Variants in AMPH observed in about 807,000 individuals in gnomAD.
The protein encoded by AMPH is amphiphysin (Stiff-Mann syndrome with breast cancer 128kD autoantigen).
Under a neutral mutation model 99.1 loss-of-function variants are expected in AMPH, and 49 were observed. The observed-to-expected ratio is 0.49, with a 90% CI of 0.39 to 0.63. AMPH has a LOEUF of 0.63. Ranked by LOEUF, AMPH falls within the 20% of genes least tolerant of loss-of-function variation. The pLI is 0.00. For missense variants in AMPH, 759 were observed against 863.4 expected (o/e 0.88, Z 1.52); for synonymous variants, 314 against 317.3 (o/e 0.99, Z 0.11).
At position 38,392,062 on chromosome 7, in the gene AMPH, A is replaced by G. The variant is rs1288366139; in HGVS notation, c.1609-45T>C. ...GGCGATGCCCGGCAGGGCCTGGAAA[A>G]CAGAACCTCCTTGTCCTGCACAACC... On this transcript the variant is annotated intron_variant, in intron 18 of 20. Transcript: ENST00000356264. 2.5e-6 allele frequency: 4 copies of G among 1,588,740 alleles called. No individual in the cohort carries two copies. The South Asian group carries it at 4.5e-5, about 18-fold the overall frequency.
intron 1 of AMPH, among the ~76,000 whole-genome samples, chr7:38,629,271 G>T (rs1378366733): frequency 6.6e-6 from 1 of 152,152 alleles, no homozygotes; most frequent in African/African-American, 2.4e-5. Context: ...CACAGACTCA[G>T]AAAGGGGGGC....
intron 1 of AMPH, among the ~76,000 whole-genome samples, chr7:38,565,040 C>T (rs1444624648): frequency 2.0e-5 from 3 of 150,750 alleles, no homozygotes; most frequent in South Asian, 2.1e-4. Context: ...AGGAGAATGG[C>T]GTGAACCCGG....
chr7:38,481,803 T>C (rs73356685), intron 5 of AMPH, among the ~76,000 whole-genome samples: 3 of 152,132 alleles, frequency 2.0e-5, no homozygotes, highest in African/African-American at 4.8e-5. Context: ...CTGTGTTCCA[T>C]GCTTTAAAAA....
intron 11 of AMPH, among the ~76,000 whole-genome samples, chr7:38,445,383 C>T (rs571032748): frequency 6.6e-6 from 1 of 152,180 alleles, no homozygotes; most frequent in South Asian, 2.1e-4. Flanking sequence ...TTAGATGTTA[C>T]ATGAAATATA....
chr7:38,528,889 T>C (rs1790291327), intron 2 of AMPH, among the ~76,000 whole-genome samples: 1 of 152,184 alleles, frequency 6.6e-6, no homozygotes, highest in Non-Finnish European at 1.5e-5. Context: ...TTGCCTCGGC[T>C]GCTTCTGGAC....
chr7:38,399,728 G>C (rs1009166634), intron 17 of AMPH, among the ~76,000 whole-genome samples: 40 of 152,182 alleles, frequency 2.6e-4, no homozygotes, highest in African/African-American at 9.2e-4. Flanking sequence ...ACCAGGGACT[G>C]AATCTGCTGA....
At position 38,569,604 on chromosome 7, in the gene AMPH, C is replaced by CAT. The variant is rs1025065761; in HGVS notation, c.70-34595_70-34594dup. ...TCCATTTTATAATAAATTGATATAA[C>CAT]ATATATATATATAAAATGAAAACAC... On this transcript the variant is annotated intron_variant, in intron 1 of 20. Transcript: ENST00000356264. Among the ~76,000 whole-genome samples, 26 of 150,968 alleles carry CAT rather than the reference C, an allele frequency of 1.7e-4. No homozygotes were observed. In the South Asian group the frequency reaches 2.5e-3, roughly 15 times the overall value.
At chr7:38,473,925 C>T (rs1787988932) in intron 7 of AMPH, among the ~76,000 whole-genome samples, 1 of 151,744 alleles carries the variant, frequency 6.6e-6, no homozygotes, top group Admixed American at 6.6e-5. Context: ...TGTTTAAATC[C>T]TCTCTGGGGG....
At chr7:38,487,035 T>G (rs1788524695) in intron 5 of AMPH, among the ~76,000 whole-genome samples, 1 of 151,912 alleles carries the variant, frequency 6.6e-6, no homozygotes, top group African/African-American at 2.4e-5. Context: ...ATGCCCACCC[T>G]CACCACTTCT....
At chr7:38,550,444 A>G (rs918224352) in intron 1 of AMPH, among the ~76,000 whole-genome samples, 1 of 152,246 alleles carries the variant, frequency 6.6e-6, no homozygotes, top group African/African-American at 2.4e-5. Flanking sequence ...GACAAAGATC[A>G]GATAATCAAA....
At chr7:38,447,041 C>T (rs2276536) in intron 11 of AMPH, among the ~76,000 whole-genome samples, 8,844 of 151,336 alleles carry the variant, frequency 0.058, 629 homozygotes, top group East Asian at 0.35. Flanking sequence ...TTGTTTGAGA[C>T]GGAGTTTCAC....
intron 12 of AMPH, among the ~76,000 whole-genome samples, chr7:38,434,568 C>T (rs1786182181): frequency 6.6e-6 from 1 of 151,844 alleles, no homozygotes; most frequent in African/African-American, 2.4e-5. Flanking sequence ...TGAAACCCCA[C>T]CTCTACTAAA....
chr7:38,576,677 A>G (rs1013575546), intron 1 of AMPH, among the ~76,000 whole-genome samples: 1 of 152,144 alleles, frequency 6.6e-6, no homozygotes, highest in East Asian at 1.9e-4. Context: ...TTCTATTTTT[A>G]TGTTTTTTTA....
chr7:38,438,389 C>A (rs1339690777), intron 11 of AMPH, among the ~76,000 whole-genome samples: 2 of 152,140 alleles, frequency 1.3e-5, no homozygotes, highest in Admixed American at 1.3e-4. Flanking sequence ...GTCATGGCCC[C>A]CAGCTGCCAT....
chr7:38,593,299 C>T (rs557981034), intron 1 of AMPH, among the ~76,000 whole-genome samples: 11 of 152,238 alleles, frequency 7.2e-5, no homozygotes, highest in African/African-American at 2.4e-4. Context: ...ATCATTTCTA[C>T]TAATTTTCTT....
At chr7:38,607,491 A>G (rs575120668) in intron 1 of AMPH, among the ~76,000 whole-genome samples, 1 of 152,216 alleles carries the variant, frequency 6.6e-6, no homozygotes, top group Non-Finnish European at 1.5e-5. Context: ...TCAAGCTACC[A>G]TCAAAGAGGC....
At chr7:38,599,117 G>A (rs1793159999) in intron 1 of AMPH, among the ~76,000 whole-genome samples, 1 of 152,166 alleles carries the variant, frequency 6.6e-6, no homozygotes, top group African/African-American at 2.4e-5. Context: ...AGTAAATTGT[G>A]ATAAACCTTT....
intron 1 of AMPH, among the ~76,000 whole-genome samples, chr7:38,609,891 T>TA (rs1444893388): frequency 6.6e-6 from 1 of 152,084 alleles, no homozygotes; most frequent in African/African-American, 2.4e-5. Context: ...TTCAAAAACT[T>TA]ACTCTGTTCA....
At chr7:38,494,566 G>T (rs1455443995) in intron 3 of AMPH, 39 bp from the exon 4 acceptor site, 2 of 1,555,086 alleles carry the variant, frequency 1.3e-6, no homozygotes, top group Non-Finnish European at 1.8e-6. Context: ...ACACAGAAAT[G>T]AGTGAGGATT....
Sources: allele counts gnomAD v4.1 joint callset (sites outside exome capture counted in the v4.1 genomes callset), GRCh38; gene constraint gnomAD v4.1.1; transcripts MANE v1.5; gene names NCBI Gene and HGNC (gene_info 2026-07-23, HGNC 2026-07-21).